Variants in FAM117A observed in about 807,000 individuals in gnomAD.
The protein encoded by FAM117A is family with sequence similarity 117 member A.
FAM117A carries 21 observed loss-of-function variants against 44.1 expected under a neutral mutation model. The ratio of observed to expected loss-of-function variants is 0.48; its 90% confidence interval spans 0.34 to 0.69. The LOEUF is 0.69. Among genes scored for constraint, FAM117A ranks in the 30% least tolerant of loss-of-function variants. FAM117A has a pLI of 0.01. For synonymous variants in FAM117A, 220 were observed against 238.3 expected (o/e 0.92, Z 0.71); for missense variants, 498 against 589.9 (o/e 0.84, Z 1.61).
At chr17:49,783,694 T>G (rs1340260046) in intron 1 of FAM117A, among the ~76,000 whole-genome samples, 2 of 152,214 alleles carry the variant, frequency 1.3e-5, no homozygotes, top group Admixed American at 6.5e-5. Context: ...TGAAAATATT[T>G]TAATAGGAAT....
At chr17:49,724,210 G>A (rs1019458826) in intron 2 of FAM117A, among the ~76,000 whole-genome samples, 2 of 152,032 alleles carry the variant, frequency 1.3e-5, no homozygotes, top group Admixed American at 6.6e-5. Flanking sequence ...ACACACAAAG[G>A]ATCCTCTCCT....
rs773352811 is a variant in FAM117A at position 49,732,710 on chromosome 17, T to C, written c.207A>G (p.Pro69=). 1.2e-6 allele frequency: 2 copies of C among 1,613,112 alleles called. No homozygotes were observed. Among genetic ancestry groups the C allele is most frequent in the Non-Finnish European group, 1.7e-6 (2 of 1,179,622 alleles). Residue 69 remains proline, a synonymous_variant, in exon 2 of 8, where the codon CCA becomes CCG. Transcript: ENST00000240364. ...RDGGGRAASV[P]CSVAPEKSVC... Reference sequence around the variant, plus strand: ...CTGACTTTTCTGGGGCCACCGAGCATGGGACGCTGGCTGCAAGAGAACACA... The same window carrying C: ...CTGACTTTTCTGGGGCCACCGAGCACGGGACGCTGGCTGCAAGAGAACACA...
intron 2 of FAM117A, chr17:49,724,442 G>A (rs113619578): frequency 1.5e-5 from 7 of 456,246 alleles, no homozygotes; most frequent in Admixed American, 7.0e-5. Context: ...AGGCCGCCAC[G>A]GGTACTACTA....
intron 1 of FAM117A, 114 bp from the exon 2 acceptor site, chr17:49,732,834 A>G (rs2073592367): frequency 8.9e-7 from 1 of 1,121,358 alleles, no homozygotes; most frequent in African/African-American, 1.6e-5. Context: ...ACTCATATCC[A>G]CCACTGTCCT....
intron 2 of FAM117A, among the ~76,000 whole-genome samples, chr17:49,730,588 C>T (rs1204893866): frequency 6.6e-6 from 1 of 152,034 alleles, no homozygotes; most frequent in Non-Finnish European, 1.5e-5. Flanking sequence ...TGAGCTTACA[C>T]ACTCAAAGGA....
At chr17:49,727,768 C>T (rs2073566614) in intron 2 of FAM117A, among the ~76,000 whole-genome samples, 1 of 152,228 alleles carries the variant, frequency 6.6e-6, no homozygotes, top group Non-Finnish European at 1.5e-5. Flanking sequence ...ACCTAGACTC[C>T]ATGACCACAG....
At chr17:49,742,296 C>G (rs2073637824) in intron 1 of FAM117A, among the ~76,000 whole-genome samples, 1 of 152,080 alleles carries the variant, frequency 6.6e-6, no homozygotes, top group Admixed American at 6.5e-5. Flanking sequence ...CTGTAGGCAG[C>G]TGGAGAGACA....
At position 49,719,750 on chromosome 17, in the gene FAM117A, C is replaced by T. The variant is rs770833755; in HGVS notation, c.708+10G>A. 34 of 1,557,674 alleles carry T rather than the reference C, an allele frequency of 2.2e-5. No individual in the cohort carries two copies. In the Admixed American group the frequency reaches 4.7e-4, roughly 22 times the overall value. Reference sequence around the variant, plus strand: ...ACTGTGGGTGCACTCAGGGTGCAGCCGCCACTCACCCTCAGCAGCTCCTCT... The same window carrying T: ...ACTGTGGGTGCACTCAGGGTGCAGCTGCCACTCACCCTCAGCAGCTCCTCT... On this transcript the variant is annotated intron_variant, in intron 5 of 7. Transcript: ENST00000240364.
Position 49,720,399 on chromosome 17 carries a change from A to G in FAM117A, c.500T>C (p.Leu167Pro). The G allele has an allele frequency of 6.2e-7, 1 of 1,613,786 alleles. No individual in the cohort carries two copies. The highest frequency in any genetic ancestry group is 8.5e-7 in the Non-Finnish European group (1 of 1,180,030). The change falls in exon 4 of 8, where the codon CTG becomes CCG. Residue 167 changes from leucine to proline, a missense_variant. Around this residue, in one of 3 missense-constraint regions of FAM117A, gnomAD observed 270 missense variants for 277.4 expected, o/e 0.97. Transcript: ENST00000240364. ...CTCCTTCTCTTTCCCACTGCGGCTC[A>G]GCTTCGTCCTCTGCAGTTGTTGCTT... is the stretch of plus-strand genomic sequence containing the variant. ...KLKQQLQRTK[L>P]SRSGKEKERG...
At chr17:49,781,779 C>A (rs1403718271) in intron 1 of FAM117A, among the ~76,000 whole-genome samples, 3 of 151,928 alleles carry the variant, frequency 2.0e-5, no homozygotes, top group Non-Finnish European at 4.4e-5. Flanking sequence ...GAGTTTGAGA[C>A]CAGCCTAGGT....
At chr17:49,787,743 TC>T (rs1264079596) in intron 1 of FAM117A, among the ~76,000 whole-genome samples, 2 of 152,382 alleles carry the variant, frequency 1.3e-5, no homozygotes, top group East Asian at 3.9e-4. Flanking sequence ...GGCTCTTCTT[TC>T]AGCCTAGTAT....
chr17:49,744,988 T>C (rs1598028994), intron 1 of FAM117A, among the ~76,000 whole-genome samples: 1 of 123,730 alleles, frequency 8.1e-6, no homozygotes, highest in Admixed American at 1.1e-4. Flanking sequence ...CACTCCAGCC[T>C]GGGAGACAGA....
Position 49,711,529 on chromosome 17 carries a change from A to C in FAM117A, c.1088T>G (p.Leu363Arg). The change falls in exon 8 of 8, where the codon CTG becomes CGG. Residue 363 changes from leucine to arginine, a missense_variant. By Grantham distance (102) the Leu-to-Arg change is moderately radical. This residue lies in a region of FAM117A where 224 missense variants were observed against 296.5 expected (regional missense o/e 0.76). Transcript: ENST00000240364. ...TTTGTTCTTGTCAGGACAGGAAGTC[A>C]GGAAGGCCAGGTCAGGACCTGGAGA... is the stretch of plus-strand genomic sequence containing the variant. ...ATSPGPDLAF[L>R]TSCPDKNKVH... is the part of the protein sequence containing the mutation. 6.2e-7 allele frequency: 1 copy of C among 1,614,080 alleles called. No individual in the cohort carries two copies. Among genetic ancestry groups the C allele is most frequent in the Non-Finnish European group, 8.5e-7 (1 of 1,180,030 alleles).
intron 1 of FAM117A, among the ~76,000 whole-genome samples, chr17:49,772,413 C>T (rs1383914542): frequency 6.6e-6 from 1 of 152,014 alleles, no homozygotes; most frequent in Non-Finnish European, 1.5e-5. Flanking sequence ...CAAGACCAGC[C>T]TGGCCAACAT....
intron 4 of FAM117A, 89 bp from the exon 5 acceptor site, chr17:49,719,983 C>T: frequency 1.4e-6 from 2 of 1,479,826 alleles, no homozygotes; most frequent in Non-Finnish European, 1.8e-6. Flanking sequence ...GTCATGTCCA[C>T]ACAGCAGAAC....
Position 49,742,343 on chromosome 17 carries a change from A to G in FAM117A, c.197-9623T>C, listed in dbSNP as rs60307787. On this transcript the variant is annotated intron_variant, in intron 1 of 7. Transcript: ENST00000240364. ...ACCCTTCTGGAGATGTCATTGTGGG[A>G]AAAAAAATAAGGAATACATTGGCTC... Among the ~76,000 whole-genome samples the G allele has an allele frequency of 8.6e-3, 1,311 of 152,144 alleles. 20 individuals are homozygous for G. Among genetic ancestry groups the G allele is most frequent in the African/African-American group, 0.03 (1,230 of 41,524 alleles).
At chr17:49,761,740 C>T (rs749142413) in intron 1 of FAM117A, among the ~76,000 whole-genome samples, 21 of 152,176 alleles carry the variant, frequency 1.4e-4, no homozygotes, top group Non-Finnish European at 2.2e-4. Flanking sequence ...ATAATGTGAA[C>T]ACGTATGTGG....
chr17:49,736,314 T>C (rs1156371333), intron 1 of FAM117A, among the ~76,000 whole-genome samples: 1 of 151,902 alleles, frequency 6.6e-6, no homozygotes, highest in Non-Finnish European at 1.5e-5. Flanking sequence ...TGGAGTGCAG[T>C]GGCACAAGCT....
chr17:49,768,059 T>G (rs1293080887), upstream of FAM117A, among the ~76,000 whole-genome samples: 1 of 151,984 alleles, frequency 6.6e-6, no homozygotes, highest in East Asian at 1.9e-4. Context: ...ATGTCAGAAA[T>G]AAATGAGAAT....
Sources: gnomAD v4.1 joint callset for allele counts (sites outside exome capture counted in the v4.1 genomes callset) on GRCh38, gnomAD v4.1.1 for gene constraint, gnomAD v4.1.1 regional missense constraint, MANE v1.5 for transcripts, NCBI Gene and HGNC (gene_info 2026-07-23, HGNC 2026-07-21) for gene names.